Variants in PPP2R5C observed in about 807,000 individuals in gnomAD.
PPP2R5C encodes the protein serine/threonine-protein phosphatase 2A 56 kDa regulatory subunit gamma isoform.
A neutral mutation model predicts 68.9 loss-of-function variants in PPP2R5C; 7 were observed. The ratio of observed to expected loss-of-function variants is 0.10; its 90% confidence interval spans 0.06 to 0.19. PPP2R5C has a LOEUF of 0.19. Ranked by LOEUF, PPP2R5C falls within the 10% of genes least tolerant of loss-of-function variation. PPP2R5C has a pLI of 1.00. For synonymous variants in PPP2R5C, 210 were observed against 222.2 expected, an observed-to-expected ratio of 0.95 and a Z score of 0.49; for missense variants, 348 against 641.3, an observed-to-expected ratio of 0.54 and a Z score of 4.94.
At position 101,797,089 on chromosome 14, in the gene PPP2R5C, G is replaced by A. The variant is rs570992868; in HGVS notation, c.259+10906G>A. 33 of 450,734 alleles carry A rather than the reference G, an allele frequency of 7.3e-5. No individual in the cohort carries two copies. Among genetic ancestry groups the A allele is most frequent in the South Asian group, 5.0e-4 (32 of 64,308 alleles). 27.9% of individuals were successfully genotyped at this position (450,734 alleles called of 1,614,324 possible). On this transcript the variant is annotated intron_variant, in intron 3 of 14. Transcript: ENST00000328724. This position sits in a 1 kb window ranked among gnomAD's most constrained non-coding sequence, Gnocchi z 4.2. ...AAACTCCATTAAACAGTAAGTGGCT[G>A]TCTCCCCATTCTGCTTTCTGTCTCT...
intron 1 of PPP2R5C, among the ~76,000 whole-genome samples, chr14:101,829,313 TACA>T (rs2040592933): frequency 6.6e-6 from 1 of 152,184 alleles, no homozygotes; most frequent in Non-Finnish European, 1.5e-5. Context: ...GAGTTCTGAG[TACA>T]ACATCTTTTT....
chr14:101,820,368 C>T (rs115496299), intron 1 of PPP2R5C: 2,231 of 152,220 alleles, frequency 0.015, 44 homozygotes, highest in African/African-American at 0.051. Flanking sequence ...TTGATGTATA[C>T]GGTGGAAGGT....
At position 101,917,805 on chromosome 14, in the gene PPP2R5C, G is replaced by A. The variant is rs370963475; in HGVS notation, c.1327-26G>A. 21 of 1,612,490 alleles carry A rather than the reference G, an allele frequency of 1.3e-5. No individual in the cohort carries two copies. In the African/African-American group the frequency reaches 2.8e-4, roughly 22 times the overall value. On this transcript the variant is annotated intron_variant, in intron 12 of 13. Transcript: ENST00000334743. This position sits in a 1 kb window ranked among gnomAD's most constrained non-coding sequence, Gnocchi z 4.4. ...GAGTTCAGAGCCTGGGCACCTAACA[G>A]AGCGACTCCACGCTTTGCATTGCAG... is the stretch of plus-strand genomic sequence containing the variant.
Position 101,835,058 on chromosome 14 carries a change from A to AG in PPP2R5C, c.95-21626dup, listed in dbSNP as rs1035117714. The stretch of plus-strand genomic sequence containing the variant: ...GTGTATTCAAAGCACATTCACAGTA[A>AG]GGAAAAAAAAAATGCAGCCTGTGTC... On this transcript the variant is annotated intron_variant, in intron 1 of 13. Coordinates refer to ENST00000334743, the Ensembl canonical transcript of PPP2R5C. The surrounding 1 kb of genome is among the most constrained non-coding windows in gnomAD (Gnocchi z 5.0). 6.6e-6 allele frequency among the ~76,000 whole-genome samples: 1 copy of AG among 152,080 alleles called. No homozygotes were observed. Among genetic ancestry groups the AG allele is most frequent in the African/African-American group, 2.4e-5 (1 of 41,418 alleles).
At chr14:101,771,725 A>G (rs1251266292) in intron 2 of PPP2R5C, among the ~76,000 whole-genome samples, 1 of 151,992 alleles carries the variant, frequency 6.6e-6, no homozygotes, top group Non-Finnish European at 1.5e-5. Flanking sequence ...GTGAGACTCC[A>G]TCTCAACAAC....
intron 5 of PPP2R5C, among the ~76,000 whole-genome samples, chr14:101,887,414 C>T (rs886479165): frequency 2.0e-5 from 3 of 152,208 alleles, no homozygotes; most frequent in Non-Finnish European, 4.4e-5. Context: ...CTACCTCACA[C>T]CATCCTGGAG....
chr14:101,788,833 CT>C (rs1199282450), intron 3 of PPP2R5C, among the ~76,000 whole-genome samples: 4 of 151,880 alleles, frequency 2.6e-5, no homozygotes, highest in Non-Finnish European at 2.9e-5. Context: ...AAATTGATAC[CT>C]TTTTTCCATC....
At position 101,925,403 on chromosome 14, in the gene PPP2R5C, G is replaced by C; in HGVS notation, c.*131G>C. 4 of 1,398,772 alleles carry C rather than the reference G, an allele frequency of 2.9e-6. No individual in the cohort carries two copies. In the South Asian group the frequency reaches 4.5e-5, roughly 16 times the overall value. 86.6% of individuals were successfully genotyped at this position (1,398,772 alleles called of 1,614,324 possible). ...TGGACCCCGTTCCGTAGGCAATAAC[G>C]TGCGTCCGCCTCAGCGCGAGATTAG... On this transcript the variant is annotated 3_prime_UTR_variant, in exon 14 of 14. Coordinates refer to ENST00000334743, the Ensembl canonical transcript of PPP2R5C.
Position 101,916,655 on chromosome 14 carries a change from C to T in PPP2R5C, c.1327-1176C>T, listed in dbSNP as rs959067498. Among the ~76,000 whole-genome samples the T allele has an allele frequency of 7.6e-5, 9 of 119,108 alleles. No homozygotes were observed. The highest frequency in any genetic ancestry group is 2.6e-4 in the African/African-American group (8 of 31,128). 78.1% of individuals were successfully genotyped at this position (119,108 alleles called of 152,430 possible). On this transcript the variant is annotated intron_variant, in intron 12 of 13. Coordinates refer to ENST00000334743, the Ensembl canonical transcript of PPP2R5C. The surrounding 1 kb of genome is among the most constrained non-coding windows in gnomAD (Gnocchi z 5.5). ...TCAGAGGATGAGGGCCAACACCAGA[C>T]GGTGGCTGAGAACGGAGCTGCTCTG...
chr14:101,890,013 G>GA (rs975141884), intron 5 of PPP2R5C: 141 of 644,250 alleles, frequency 2.2e-4, no homozygotes, highest in Non-Finnish European at 3.7e-4. Context: ...AAAATATTGA[G>GA]AAAAAAATTC....
chr14:101,828,676 C>CTTT (rs547728275), intron 1 of PPP2R5C, among the ~76,000 whole-genome samples: 2 of 131,056 alleles, frequency 1.5e-5, no homozygotes, highest in Admixed American at 7.7e-5. Context: ...CACAGATACT[C>CTTT]TTTTTTTTTT....
intron 13 of PPP2R5C, among the ~76,000 whole-genome samples, chr14:101,920,730 A>G (rs917136861): frequency 1.8e-4 from 28 of 152,204 alleles, no homozygotes; most frequent in African/African-American, 6.3e-4. Context: ...CAAAGTTGGA[A>G]GACTAATAAT....
At chr14:101,784,364 T>C (rs1277662114) in intron 2 of PPP2R5C, among the ~76,000 whole-genome samples, 1 of 152,166 alleles carries the variant, frequency 6.6e-6, no homozygotes, top group Non-Finnish European at 1.5e-5. Flanking sequence ...AAAAACTACC[T>C]GAGATTGGGT....
chr14:101,883,593 T>C, intron 5 of PPP2R5C, 31 bp downstream of exon 7: 1 of 1,606,652 alleles, frequency 6.2e-7, no homozygotes, highest in Non-Finnish European at 8.5e-7. Context: ...GTTGTCCTTG[T>C]GTGTGGTGAT....
intron 13 of PPP2R5C, among the ~76,000 whole-genome samples, chr14:101,924,878 T>G (rs1444925774): frequency 6.6e-6 from 1 of 152,228 alleles, no homozygotes; most frequent in Non-Finnish European, 1.5e-5. Flanking sequence ...CTGAGTCCTT[T>G]GTACAAGCAC....
intron 11 of PPP2R5C, among the ~76,000 whole-genome samples, chr14:101,910,682 A>C (rs1361914257): frequency 6.6e-6 from 1 of 151,802 alleles, no homozygotes; most frequent in Non-Finnish European, 1.5e-5. Flanking sequence ...AAATACCAAA[A>C]AAGGGCCAGG....
At chr14:101,815,578 C>G (rs1054325244) in intron 1 of PPP2R5C, among the ~76,000 whole-genome samples, 1 of 152,166 alleles carries the variant, frequency 6.6e-6, no homozygotes, top group African/African-American at 2.4e-5. Flanking sequence ...TCTGGTGACA[C>G]TGAGCATTAT....
At chr14:101,883,215 A>G in intron 3 of PPP2R5C, 42 bp from the exon 6 acceptor site, 1 of 1,368,052 alleles carries the variant, frequency 7.3e-7, no homozygotes, top group African/African-American at 1.5e-5. Context: ...GCCATTCAAT[A>G]AAATCTCATG....
chr14:101,905,638 CAA>C (rs1255809425), intron 9 of PPP2R5C, among the ~76,000 whole-genome samples: 1 of 150,804 alleles, frequency 6.6e-6, no homozygotes, highest in African/African-American at 2.4e-5. Flanking sequence ...GCCTGGGCAA[CAA>C]GAGCAAAAAT....
Sources: gnomAD v4.1 joint callset for allele counts (sites outside exome capture counted in the v4.1 genomes callset) on GRCh38, gnomAD v4.1.1 for gene constraint, Gnocchi (gnomAD v3.1) non-coding constraint, MANE v1.5 for transcripts, NCBI Gene and HGNC (gene_info 2026-07-23, HGNC 2026-07-21) for gene names.